The following STARD13 variants were observed in gnomAD, a reference collection of about 807,000 sequenced individuals.
STARD13 encodes the protein stAR-related lipid transfer protein 13.
A neutral mutation model predicts 106.4 loss-of-function variants in STARD13; 62 were observed. The ratio of observed to expected loss-of-function variants is 0.58; its 90% CI spans 0.48 to 0.72. STARD13 has a LOEUF of 0.72. Among genes scored for constraint, STARD13 ranks in the 30% least tolerant of loss-of-function variants. The pLI is 0.00. For synonymous variants in STARD13, 565 were observed against 553.0 expected (o/e 1.02, Z -0.31); for missense variants, 1,387 against 1,424.0 (o/e 0.97, Z 0.42).
At chr13:33,366,083 A>T in the STARD13 span, among the ~76,000 whole-genome samples, 6 of 152,022 alleles carry the variant, frequency 3.9e-5, no homozygotes, top group Non-Finnish European at 8.8e-5. This position sits in a 1 kb window ranked among gnomAD's most constrained non-coding sequence, Gnocchi z 4.2. Flanking sequence ...CTTTTGATAT[A>T]TGTATTAAAA....
chr13:33,183,035 T>A (rs1470312962), intron 1 of STARD13, among the ~76,000 whole-genome samples: 1 of 152,200 alleles, frequency 6.6e-6, no homozygotes, highest in East Asian at 1.9e-4. Context: ...CACATTCCTC[T>A]CCCTATTTAC....
intron 1 of STARD13, among the ~76,000 whole-genome samples, chr13:33,199,854 T>C (rs1003879011): frequency 1.3e-5 from 2 of 152,190 alleles, no homozygotes; most frequent in South Asian, 4.1e-4. Flanking sequence ...AATGTATATA[T>C]ATGGCCAGTC....
At chr13:33,125,947 G>A in intron 7 of STARD13, 134 bp downstream of exon 7, 1 of 689,242 alleles carries the variant, frequency 1.5e-6, no homozygotes. Flanking sequence ...GCTACATAAA[G>A]GTCACAATGC....
At chr13:33,126,474 TA>T (rs1457391000) in intron 6 of STARD13, among the ~76,000 whole-genome samples, 1 of 152,240 alleles carries the variant, frequency 6.6e-6, no homozygotes, top group Admixed American at 6.5e-5. Context: ...AATGTATTTG[TA>T]GCTCTGTTTT....
chr13:33,142,887 A>G (rs571418155), intron 3 of STARD13, among the ~76,000 whole-genome samples: 1 of 152,336 alleles, frequency 6.6e-6, no homozygotes, highest in Non-Finnish European at 1.5e-5. Context: ...GAAGCCCTCC[A>G]TTCACATATG....
chr13:33,144,951 G>A (rs894655003), intron 3 of STARD13, among the ~76,000 whole-genome samples: 3 of 152,128 alleles, frequency 2.0e-5, no homozygotes, highest in Non-Finnish European at 4.4e-5. Context: ...CCACAGACTC[G>A]AATATGCTTT....
At chr13:33,627,393 C>T in the STARD13 span, among the ~76,000 whole-genome samples, 1 of 152,082 alleles carries the variant, frequency 6.6e-6, no homozygotes, top group Non-Finnish European at 1.5e-5. Context: ...AATCCCAGCA[C>T]TTCGGGAGGC....
chr13:33,374,819 T>C, the STARD13 span, among the ~76,000 whole-genome samples: 4 of 152,070 alleles, frequency 2.6e-5, no homozygotes, highest in Non-Finnish European at 5.9e-5. Flanking sequence ...AGAGCAGTGT[T>C]TGTCAAACTT....
intron 9 of STARD13, 47 bp downstream of exon 9, chr13:33,112,674 G>T (rs1433694012): frequency 6.9e-7 from 1 of 1,448,728 alleles, no homozygotes; most frequent in Non-Finnish European, 9.4e-7. Context: ...TGAACTGTGG[G>T]AATGCCTGCT....
the STARD13 span, chr13:33,511,219 AG>A: frequency 1.3e-5 from 2 of 152,334 alleles, no homozygotes; most frequent in East Asian, 1.9e-4. Context: ...AGGCTGAGGC[AG>A]GAGAATTGCT....
intron 1 of STARD13, among the ~76,000 whole-genome samples, chr13:33,271,971 G>A (rs568784745): frequency 3.9e-5 from 6 of 152,216 alleles, no homozygotes; most frequent in Admixed American, 1.3e-4. Flanking sequence ...ACTCCCACTC[G>A]CTGTGTGACT....
chr13:33,420,215 A>G, the STARD13 span, among the ~76,000 whole-genome samples: 1 of 152,232 alleles, frequency 6.6e-6, no homozygotes, highest in Non-Finnish European at 1.5e-5. Context: ...GACCCATCTC[A>G]TGTGCAGAGA....
chr13:33,226,726 C>T (rs866609211), intron 1 of STARD13, among the ~76,000 whole-genome samples: 3 of 152,142 alleles, frequency 2.0e-5, no homozygotes, highest in South Asian at 4.1e-4. Context: ...TGGGCCACCA[C>T]ACCCGGCCTC....
At chr13:33,549,381 C>T in the STARD13 span, among the ~76,000 whole-genome samples, 1 of 152,070 alleles carries the variant, frequency 6.6e-6, no homozygotes, top group Non-Finnish European at 1.5e-5. Flanking sequence ...AGGATGATAT[C>T]ATCATCACCT....
intron 1 of STARD13, among the ~76,000 whole-genome samples, chr13:33,256,709 A>G (rs1277826354): frequency 6.6e-6 from 1 of 152,246 alleles, no homozygotes; most frequent in East Asian, 1.9e-4. Context: ...GTCAAGCTTA[A>G]ACGAGACAAG....
chr13:33,670,168 G>A, the STARD13 span, among the ~76,000 whole-genome samples: 1 of 152,164 alleles, frequency 6.6e-6, no homozygotes. Context: ...CTACGATACA[G>A]GCTGTGACTT....
chr13:33,289,253 A>G (rs552788605), upstream of STARD13, among the ~76,000 whole-genome samples: 29 of 152,312 alleles, frequency 1.9e-4, no homozygotes, highest in Middle Eastern at 3.4e-3. Context: ...CTGCTCATCA[A>G]TTGTGATCTT....
chr13:33,425,108 C>T, the STARD13 span, among the ~76,000 whole-genome samples: 2 of 152,174 alleles, frequency 1.3e-5, no homozygotes, highest in African/African-American at 4.8e-5. Flanking sequence ...AAAACTGTAG[C>T]CTCACTTTAT....
chr13:33,210,849 AT>A (rs1887676223), intron 1 of STARD13, among the ~76,000 whole-genome samples: 1 of 152,188 alleles, frequency 6.6e-6, no homozygotes, highest in African/African-American at 2.4e-5. Context: ...TTTAGCTGGC[AT>A]TCTAAAGAGG....
Sources: gnomAD v4.1 joint callset for allele counts (sites outside exome capture counted in the v4.1 genomes callset) on GRCh38, gnomAD v4.1.1 for gene constraint, Gnocchi (gnomAD v3.1) non-coding constraint, MANE v1.5 for transcripts, NCBI Gene and HGNC (gene_info 2026-07-23, HGNC 2026-07-21) for gene names.